The following PPA2 variants were observed in gnomAD, a reference collection of about 807,000 sequenced individuals.
PPA2 encodes the protein inorganic pyrophosphatase 2.
A neutral mutation model predicts 49.5 loss-of-function variants in PPA2; 48 were observed. That is an observed-to-expected ratio of 0.97 (90% CI 0.77 to 1.23). The LOEUF is 1.23. PPA2 is among the 50% of genes most tolerant of loss of function. The pLI is 0.00. For missense variants in PPA2, 429 were observed against 410.1 expected (o/e 1.05, Z -0.40); for synonymous variants, 131 against 139.9 (o/e 0.94, Z 0.45).
intron 7 of PPA2, among the ~76,000 whole-genome samples, chr4:105,419,174 T>C (rs1370322959): frequency 1.3e-5 from 2 of 152,180 alleles, no homozygotes; most frequent in African/African-American, 2.4e-5. Flanking sequence ...GTTTTATGTA[T>C]ACTTTAAGTT....
intron 4 of PPA2, among the ~76,000 whole-genome samples, chr4:105,448,632 T>C (rs1408827643): frequency 1.3e-5 from 2 of 150,206 alleles, no homozygotes; most frequent in East Asian, 3.9e-4. Context: ...TAGTCATAAA[T>C]TGAGTTAACC....
At chr4:105,394,942 T>C (rs1734076253) in intron 9 of PPA2, among the ~76,000 whole-genome samples, 1 of 152,180 alleles carries the variant, frequency 6.6e-6, no homozygotes, top group Non-Finnish European at 1.5e-5. Flanking sequence ...GTCTTAATTT[T>C]AGCCCACAAA....
intron 5 of PPA2, among the ~76,000 whole-genome samples, chr4:105,442,183 T>C (rs1355479651): frequency 1.3e-5 from 2 of 152,088 alleles, no homozygotes; most frequent in Non-Finnish European, 2.9e-5. Context: ...CAGCTTTAAT[T>C]TGGAGCAAAA....
intron 8 of PPA2, among the ~76,000 whole-genome samples, chr4:105,397,443 C>T (rs1024385163): frequency 1.3e-5 from 2 of 151,984 alleles, no homozygotes; most frequent in African/African-American, 4.8e-5. Context: ...TATTTAGAAC[C>T]AATTTCAATA....
intron 7 of PPA2, chr4:105,407,118 C>A (rs1386147620): frequency 7.6e-6 from 1 of 132,316 alleles, no homozygotes; most frequent in Non-Finnish European, 1.6e-5. Context: ...AGAAAATTCG[C>A]CACCAGCAGG....
At chr4:105,460,414 C>T (rs1235474203) in intron 1 of PPA2, among the ~76,000 whole-genome samples, 1 of 151,890 alleles carries the variant, frequency 6.6e-6, no homozygotes, top group African/African-American at 2.4e-5. Context: ...GGGACTGGAA[C>T]ATCTGCAAAT....
intron 4 of PPA2, among the ~76,000 whole-genome samples, chr4:105,447,498 T>C (rs1722445186): frequency 6.6e-6 from 1 of 152,200 alleles, no homozygotes; most frequent in Non-Finnish European, 1.5e-5. Flanking sequence ...ATAACGTACA[T>C]TTCAAAATTG....
chr4:105,383,653 A>T (rs1362915872), intron 10 of PPA2, among the ~76,000 whole-genome samples: 1 of 152,182 alleles, frequency 6.6e-6, no homozygotes, highest in Non-Finnish European at 1.5e-5. Flanking sequence ...GCATCTCGAA[A>T]GTGAAAACTT....
intron 3 of PPA2, among the ~76,000 whole-genome samples, chr4:105,452,171 C>A (rs1722703124): frequency 6.6e-6 from 1 of 152,206 alleles, no homozygotes; most frequent in South Asian, 2.1e-4. Context: ...AATCACTCTT[C>A]TTTCCTCTCT....
intron 10 of PPA2, among the ~76,000 whole-genome samples, chr4:105,373,037 C>A (rs28561818): frequency 0.12 from 18,533 of 152,124 alleles, 1,192 homozygotes; most frequent in African/African-American, 0.15. Context: ...TGGAGTCTCG[C>A]TAAGTTGCCC....
rs189930312 is a variant in PPA2, at chr4:105,466,086, C to T, written c.157+7808G>A. ...AAACTTCGTGTCTCAGAACACCATT[C>T]AACCCACTACACCTTCTACTGACTT... On this transcript the variant is annotated intron_variant, in intron 1 of 11. Coordinates refer to ENST00000341695, the MANE Select transcript of PPA2 (RefSeq NM_176869.3). Among the ~76,000 whole-genome samples, 358 of 152,190 alleles carry T rather than the reference C, an allele frequency of 2.4e-3. 2 individuals are homozygous for T. The highest frequency in any genetic ancestry group is 6.6e-3 in the Admixed American group (101 of 15,284).
chr4:105,370,862 T>G lies in PPA2; in HGVS notation c.951A>C (p.Ser317=). 6.8e-7 allele frequency: 1 copy of G among 1,472,390 alleles called. No homozygotes were observed. Among genetic ancestry groups the G allele is most frequent in the Non-Finnish European group, 9.2e-7 (1 of 1,092,612 alleles). 91.2% of individuals were successfully genotyped at this position (1,472,390 alleles called of 1,614,324 possible). A position where few individuals can be genotyped will look rare whatever the true frequency, so the allele number is the denominator to read the frequency against. ...ARSLVESVSS[S]PNKESNEEEQ... ...CTTCTTCATTACTTTCTTTATTTGG[T>G]GAAGATGATACCTGGAAATAAAAAC... Residue 317 remains serine, a synonymous_variant, in exon 11 of 12, where the codon TCA becomes TCC. Coordinates refer to ENST00000341695, the MANE Select transcript of PPA2 (RefSeq NM_176869.3).
At chr4:105,425,467 C>T (rs1338450516) in intron 6 of PPA2, among the ~76,000 whole-genome samples, 1 of 151,884 alleles carries the variant, frequency 6.6e-6, no homozygotes, top group Non-Finnish European at 1.5e-5. Flanking sequence ...ATAGACATTG[C>T]CAAAGAGAAA....
chr4:105,376,449 G>A (rs1733255798), intron 10 of PPA2, among the ~76,000 whole-genome samples: 1 of 152,056 alleles, frequency 6.6e-6, no homozygotes, highest in African/African-American at 2.4e-5. Context: ...CATCCATTTA[G>A]CATCCTATGT....
chr4:105,447,253 A>G (rs1722426714), intron 4 of PPA2, among the ~76,000 whole-genome samples: 1 of 152,238 alleles, frequency 6.6e-6, no homozygotes, highest in Non-Finnish European at 1.5e-5. Flanking sequence ...CATGGATGAA[A>G]CTGGAGAACA....
chr4:105,375,326 A>G (rs563387247), intron 10 of PPA2, among the ~76,000 whole-genome samples: 2 of 151,780 alleles, frequency 1.3e-5, no homozygotes, highest in East Asian at 1.9e-4. Flanking sequence ...AACTAAAATA[A>G]TGTCTTTTCT....
chr4:105,456,653 T>C (rs185540206), intron 2 of PPA2, 28 bp downstream of exon 2: 32 of 1,545,456 alleles, frequency 2.1e-5, no homozygotes, highest in Non-Finnish European at 2.7e-5. Context: ...GTACACGTTT[T>C]CATTCCCAAA....
At chr4:105,426,973 T>A (rs1438271656) in intron 6 of PPA2, among the ~76,000 whole-genome samples, 2 of 152,140 alleles carry the variant, frequency 1.3e-5, no homozygotes, top group African/African-American at 2.4e-5. Flanking sequence ...ACACCTCATA[T>A]AGATAGGTGC....
chr4:105,429,358 C>T (rs1723688053), intron 6 of PPA2, among the ~76,000 whole-genome samples: 1 of 152,166 alleles, frequency 6.6e-6, no homozygotes, highest in Non-Finnish European at 1.5e-5. Context: ...ACTCCTGTCA[C>T]TGGCAGCTAT....
Sources: allele counts gnomAD v4.1 joint callset (sites outside exome capture counted in the v4.1 genomes callset), GRCh38; gene constraint gnomAD v4.1.1; transcripts MANE v1.5; gene names NCBI Gene and HGNC (gene_info 2026-07-23, HGNC 2026-07-21).